TENM1: variants seen among roughly 807,000 people sequenced by gnomAD.
TENM1 encodes the protein teneurin-1.
In TENM1, 35 loss-of-function variants were observed where a neutral mutation model predicts 174.8. The ratio of observed to expected loss-of-function variants is 0.20; its 90% CI spans 0.15 to 0.27. TENM1 has a LOEUF of 0.27. Among genes scored for constraint, TENM1 ranks in the 10% least tolerant of loss-of-function variants. The probability of loss-of-function intolerance (pLI) is 1.00; values close to 1 mark genes in which losing one functional copy is unlikely to be tolerated. For missense variants in TENM1, 1,633 were observed against 2,130.1 expected (o/e 0.77, Z 4.59); for synonymous variants, 781 against 798.7 (o/e 0.98, Z 0.37).
At chrX:124,808,416 C>T (rs766265780) in intron 3 of TENM1, among the ~76,000 whole-genome samples, 2 of 111,550 alleles carry the variant, frequency 1.8e-5, no homozygotes, top group Admixed American at 9.5e-5. Context: ...CAGCAATGGA[C>T]GGATCAACCA....
At chrX:124,431,550 C>G (rs1009329404) in intron 23 of TENM1, among the ~76,000 whole-genome samples, 1 of 111,999 alleles carries the variant, frequency 8.9e-6, no homozygotes, top group African/African-American at 3.2e-5. Context: ...GTTAGCATCA[C>G]TTTTTGTCAG....
At chrX:124,784,913 T>C (rs1445525117) in intron 3 of TENM1, among the ~76,000 whole-genome samples, 1 of 111,432 alleles carries the variant, frequency 9.0e-6, no homozygotes, top group Admixed American at 9.6e-5. Flanking sequence ...TCTGAGATAC[T>C]CCTATATTCT....
intron 5 of TENM1, among the ~76,000 whole-genome samples, chrX:124,703,713 C>T (rs1052671396): frequency 3.6e-5 from 4 of 111,768 alleles, no homozygotes; most frequent in African/African-American, 1.3e-4. Flanking sequence ...ACTTTCTCAT[C>T]CTTCGCCTCC....
At chrX:125,170,748 G>C in the TENM1 span, among the ~76,000 whole-genome samples, 1 of 111,092 alleles carries the variant, frequency 9.0e-6, no homozygotes, top group Non-Finnish European at 1.9e-5. Context: ...TCAGTGATAA[G>C]CTAAAAACCT....
At chrX:124,884,248 C>A (rs775556750) in intron 3 of TENM1, among the ~76,000 whole-genome samples, 12 of 110,551 alleles carry the variant, frequency 1.1e-4, no homozygotes, top group Non-Finnish European at 2.3e-4. Flanking sequence ...GCGGTGGTGG[C>A]TGTAGGCAGA....
chrX:125,137,849 A>G, the TENM1 span, among the ~76,000 whole-genome samples: 1 of 111,448 alleles, frequency 9.0e-6, no homozygotes, highest in Non-Finnish European at 1.9e-5. Flanking sequence ...ACTTGATGCC[A>G]TATTTATTTT....
chrX:124,859,789 A>G (rs2056880718), intron 3 of TENM1, among the ~76,000 whole-genome samples: 1 of 111,737 alleles, frequency 8.9e-6, no homozygotes, highest in Admixed American at 9.5e-5. Context: ...CTATTTTATC[A>G]TATCCAAGTT....
chrX:125,078,849 T>G, the TENM1 span, among the ~76,000 whole-genome samples: 1 of 111,886 alleles, frequency 8.9e-6, no homozygotes, highest in Non-Finnish European at 1.9e-5. Flanking sequence ...AGCCAATATA[T>G]TCTGAATGCT....
chrX:124,794,512 A>C (rs1274877802), intron 3 of TENM1, among the ~76,000 whole-genome samples: 5 of 110,865 alleles, frequency 4.5e-5, no homozygotes, highest in African/African-American at 6.6e-5. Context: ...TTCCTTCAGA[A>C]ATATATCTTC....
intron 3 of TENM1, among the ~76,000 whole-genome samples, chrX:124,873,270 CT>C (rs2057141266): frequency 9.0e-6 from 1 of 111,393 alleles, no homozygotes; most frequent in East Asian, 2.8e-4. Flanking sequence ...CCCACAGCCA[CT>C]TACTTCCTCT....
Position 124,398,494 on chromosome X carries a change from C to T in TENM1, c.5392-6146G>A, listed in dbSNP as rs756875156. Among the ~76,000 whole-genome samples, 33 of 110,954 alleles carry T rather than the reference C, an allele frequency of 3.0e-4. No homozygotes were observed. In the South Asian group the frequency reaches 0.011, roughly 38 times the overall value. On this transcript the variant is annotated intron_variant, in intron 27 of 31. Transcript: ENST00000422452. Reference sequence around the variant, plus strand: ...ACCTGGAATTCCCATTTTTTTCTTTCTTTTTGAAAGAGAACTAAACTTACT... The same window carrying T: ...ACCTGGAATTCCCATTTTTTTCTTTTTTTTTGAAAGAGAACTAAACTTACT...
the TENM1 span, among the ~76,000 whole-genome samples, chrX:125,169,926 A>T: frequency 9.0e-6 from 1 of 111,553 alleles, no homozygotes; most frequent in East Asian, 2.8e-4. Flanking sequence ...TTTCAGTTGC[A>T]AAACCTATCA....
the TENM1 span, among the ~76,000 whole-genome samples, chrX:125,184,946 A>G: frequency 9.0e-5 from 10 of 111,702 alleles, no homozygotes; most frequent in Non-Finnish European, 1.7e-4. Context: ...TGGACTGACT[A>G]TAGAGAAGCA....
chrX:124,777,960 C>T (rs775331407), intron 3 of TENM1, among the ~76,000 whole-genome samples: 37 of 112,687 alleles, frequency 3.3e-4, no homozygotes, highest in African/African-American at 1.2e-3. Context: ...ATGAACACAG[C>T]TATTTTCCAA....
intron 11 of TENM1, among the ~76,000 whole-genome samples, chrX:124,619,990 A>G (rs959781266): frequency 1.8e-5 from 2 of 112,140 alleles, no homozygotes; most frequent in Non-Finnish European, 3.8e-5. Context: ...TTGTTCCTAA[A>G]TCCTTATAGG....
chrX:124,463,839 GTGTGTGT>G (rs2061209709), intron 22 of TENM1, among the ~76,000 whole-genome samples: 28 of 62,799 alleles, frequency 4.5e-4, no homozygotes, highest in African/African-American at 3.3e-3. Context: ...AGGTTGGGGT[GTGTGTGT>G]GTGTGTGTGT....
intron 11 of TENM1, among the ~76,000 whole-genome samples, chrX:124,583,393 T>C (rs1219219328): frequency 8.9e-6 from 1 of 111,989 alleles, no homozygotes; most frequent in African/African-American, 3.3e-5. Context: ...TCCACTGTTC[T>C]GCAGCCACTG....
chrX:125,158,020 CAG>C, the TENM1 span, among the ~76,000 whole-genome samples: 5 of 111,392 alleles, frequency 4.5e-5, no homozygotes, highest in Admixed American at 4.8e-4. Flanking sequence ...AACCTGAAAA[CAG>C]AGACATCAAA....
chrX:124,566,566 T>C (rs1373871636), intron 11 of TENM1, among the ~76,000 whole-genome samples: 1 of 112,474 alleles, frequency 8.9e-6, no homozygotes, highest in African/African-American at 3.2e-5. Context: ...AGGCCACATA[T>C]TCCTGAAAGG....
Sources: gnomAD v4.1 joint callset for allele counts (sites outside exome capture counted in the v4.1 genomes callset) on GRCh38, gnomAD v4.1.1 for gene constraint, MANE v1.5 for transcripts, NCBI Gene and HGNC (gene_info 2026-07-23, HGNC 2026-07-21) for gene names.